Variants in STK3 observed in about 807,000 individuals in gnomAD.
STK3 encodes the protein serine/threonine kinase 3.
A neutral mutation model predicts 58.0 loss-of-function variants in STK3; 41 were observed. That is an observed-to-expected ratio of 0.71 (90% CI 0.55 to 0.92). STK3 has a LOEUF of 0.92. Among genes scored for constraint, STK3 ranks in the 40% least tolerant of loss-of-function variants. STK3 has a pLI of 0.00. For synonymous variants in STK3, 170 were observed against 191.0 expected (o/e 0.89, Z 0.91); for missense variants, 479 against 602.7 (o/e 0.79, Z 2.15).
chr8:98,690,547 C>T (rs750756321), intron 6 of STK3, among the ~76,000 whole-genome samples: 30 of 151,390 alleles, frequency 2.0e-4, no homozygotes, highest in Admixed American at 2.6e-4. Flanking sequence ...ATAGCAGAGA[C>T]GACACAAACA....
chr8:98,612,214 C>A (rs1402561534), intron 6 of STK3, among the ~76,000 whole-genome samples: 1 of 150,488 alleles, frequency 6.6e-6, no homozygotes. Context: ...TTTCCTATTT[C>A]TCTCGTTAAG....
At chr8:98,823,540 C>T (rs1249445262) in intron 1 of STK3, among the ~76,000 whole-genome samples, 1 of 152,214 alleles carries the variant, frequency 6.6e-6, no homozygotes, top group Non-Finnish European at 1.5e-5. Context: ...AGTTATTTAA[C>T]GTCTTTGAGC....
At chr8:98,854,161 T>G (rs957913545) in intron 3 of STK3, among the ~76,000 whole-genome samples, 3 of 152,012 alleles carry the variant, frequency 2.0e-5, no homozygotes, top group Non-Finnish European at 2.9e-5. Context: ...ATTTTTGAGA[T>G]GGAGGCTTGT....
chr8:98,548,344 A>G (rs1810890065), intron 8 of STK3, among the ~76,000 whole-genome samples, 183 bp from the exon 9 acceptor site: 1 of 152,150 alleles, frequency 6.6e-6, no homozygotes, highest in South Asian at 2.1e-4. Flanking sequence ...AAAATAACCT[A>G]AAGCTTTAGG....
chr8:98,890,494 A>C (rs1426670288), intron 1 of STK3, among the ~76,000 whole-genome samples: 2 of 152,154 alleles, frequency 1.3e-5, no homozygotes, highest in Non-Finnish European at 2.9e-5. Flanking sequence ...AGCAACTAGA[A>C]TCTCAGGAAA....
chr8:98,656,314 A>G (rs1030817636), intron 6 of STK3, among the ~76,000 whole-genome samples: 10 of 151,866 alleles, frequency 6.6e-5, no homozygotes, highest in Non-Finnish European at 7.4e-5. Flanking sequence ...GAAGGGGAAC[A>G]TCACACTCTG....
intron 3 of STK3, among the ~76,000 whole-genome samples, chr8:98,433,961 T>C (rs575919371): frequency 8.5e-5 from 13 of 152,308 alleles, no homozygotes; most frequent in African/African-American, 2.4e-4. Flanking sequence ...CAGAGGAAAA[T>C]CAATAAGATC....
chr8:98,841,621 T>C (rs542353742), intron 3 of STK3, among the ~76,000 whole-genome samples: 51 of 147,532 alleles, frequency 3.5e-4, no homozygotes, highest in African/African-American at 1.2e-3. Context: ...AGCCCAGGGG[T>C]TGGAGATTAC....
intron 6 of STK3, among the ~76,000 whole-genome samples, chr8:98,700,487 T>C (rs1263068957): frequency 6.6e-6 from 1 of 152,236 alleles, no homozygotes; most frequent in East Asian, 1.9e-4. Flanking sequence ...AGACCAGAGC[T>C]GTTCCTATTC....
intron 3 of STK3, among the ~76,000 whole-genome samples, chr8:98,862,926 G>A (rs1467206376): frequency 6.6e-6 from 1 of 152,200 alleles, no homozygotes; most frequent in Admixed American, 6.5e-5. Context: ...GCATTCACTT[G>A]GTGGATTGGC....
chr8:98,485,804 G>A (rs1822210954), intron 10 of STK3, among the ~76,000 whole-genome samples: 1 of 152,124 alleles, frequency 6.6e-6, no homozygotes, highest in South Asian at 2.1e-4. Flanking sequence ...AGTAGATGGG[G>A]GCAGATTTTG....
chr8:98,506,722 A>G (rs187168104), intron 10 of STK3, among the ~76,000 whole-genome samples: 70 of 152,320 alleles, frequency 4.6e-4, no homozygotes, highest in African/African-American at 1.6e-3. Context: ...AAAGAAAAAA[A>G]AAAGAAAGAA....
intron 6 of STK3, among the ~76,000 whole-genome samples, chr8:98,639,110 CTTTT>C (rs200636934): frequency 2.9e-5 from 4 of 138,474 alleles, no homozygotes; most frequent in Non-Finnish European, 1.6e-5. Flanking sequence ...AGGAGATACA[CTTTT>C]TTTTTTTTTT....
the STK3 span, among the ~76,000 whole-genome samples, chr8:98,352,852 C>T: frequency 6.6e-6 from 1 of 152,144 alleles, no homozygotes; most frequent in Non-Finnish European, 1.5e-5. Context: ...TTTGTTGTTA[C>T]TGCTGTTTCA....
intron 6 of STK3, among the ~76,000 whole-genome samples, chr8:98,612,946 C>A (rs1043917570): frequency 7.9e-5 from 12 of 152,198 alleles, no homozygotes; most frequent in African/African-American, 2.9e-4. Context: ...GCAAGTAGAA[C>A]CTGTACTTCC....
Position 98,526,819 on chromosome 8 carries a change from T to G in STK3, c.1240A>C (p.Met414Leu). ...NKSHENCNQN[M>L]HEPFPMSKNV... The stretch of plus-strand genomic sequence containing the variant: ...TTGGACATAGGGAAGGGTTCATGCA[T>G]GTTCTGATTACAGTTTTCGTGACTC... The change falls in exon 10 of 11, where the codon ATG becomes CTG. Residue 414 changes from methionine to leucine, a missense_variant. Physicochemically the swap from Met to Leu is conservative, Grantham distance 15. This residue lies in a region of STK3 where 309 missense variants were observed against 355.7 expected (regional missense o/e 0.87). Transcript: ENST00000419617. The G allele has an allele frequency of 6.2e-7, 1 of 1,601,866 alleles. No homozygotes were observed. Among genetic ancestry groups the G allele is most frequent in the Non-Finnish European group, 8.5e-7 (1 of 1,172,326 alleles).
chr8:98,382,866 T>G (rs1817751709), intron 1 of STK3, among the ~76,000 whole-genome samples: 1 of 152,150 alleles, frequency 6.6e-6, no homozygotes. Context: ...GGACCAGCCT[T>G]CCCAGGGCTT....
At chr8:98,346,378 G>C in the STK3 span, among the ~76,000 whole-genome samples, 1 of 151,650 alleles carries the variant, frequency 6.6e-6, no homozygotes, top group Admixed American at 6.6e-5. Flanking sequence ...GGAGAGGAGG[G>C]GGAGTAGGAG....
chr8:98,603,422 AGACAAG>A (rs1241889102), intron 6 of STK3: 1 of 152,070 alleles, frequency 6.6e-6, no homozygotes, highest in East Asian at 1.9e-4. Context: ...TTTTTAGTAG[AGACAAG>A]GTTTCACCAT....
Sources: allele counts gnomAD v4.1 joint callset (sites outside exome capture counted in the v4.1 genomes callset), GRCh38; gene constraint gnomAD v4.1.1; regional missense constraint gnomAD v4.1.1; transcripts MANE v1.5; gene names NCBI Gene and HGNC (gene_info 2026-07-23, HGNC 2026-07-21).